AFG1L: variants seen among roughly 807,000 people sequenced by gnomAD.
AFG1L encodes the protein AFG1 like ATPase, also known as AFG1-like ATPase.
A neutral mutation model predicts 62.2 loss-of-function variants in AFG1L; 53 were observed. That is an observed-to-expected ratio of 0.85 (90% CI 0.68 to 1.07). The LOEUF is 1.07. Ranked by LOEUF, AFG1L falls within the 50% of genes least tolerant of loss-of-function variation. AFG1L has a pLI of 0.00. For synonymous variants in AFG1L, 228 were observed against 210.3 expected (o/e 1.08, Z -0.73); for missense variants, 555 against 590.5 (o/e 0.94, Z 0.62).
At chr6:108,521,336 T>C (rs1316148850) in intron 12 of AFG1L, 1 of 151,662 alleles carries the variant, frequency 6.6e-6, no homozygotes, top group Non-Finnish European at 1.5e-5. Flanking sequence ...AAATAAAAAA[T>C]AAAATAAAAA....
intron 1 of AFG1L, among the ~76,000 whole-genome samples, chr6:108,305,248 G>A (rs192755178): frequency 1.9e-4 from 29 of 152,236 alleles, no homozygotes; most frequent in Admixed American, 1.7e-3. Context: ...TCAGTGCTTT[G>A]AATTCCAGAA....
At chr6:108,389,889 G>A (rs1414295097) in intron 6 of AFG1L, among the ~76,000 whole-genome samples, 1 of 152,070 alleles carries the variant, frequency 6.6e-6, no homozygotes, top group Non-Finnish European at 1.5e-5. Context: ...TATCTTTGTG[G>A]CGTTCTCTGT....
chr6:108,340,054 A>G (rs1450904658), intron 2 of AFG1L, among the ~76,000 whole-genome samples: 1 of 150,090 alleles, frequency 6.7e-6, no homozygotes, highest in Admixed American at 6.7e-5. Context: ...GCCTCCCACT[A>G]CCCTTCCCAG....
At chr6:108,514,517 C>A (rs188922003) in intron 11 of AFG1L, among the ~76,000 whole-genome samples, 15 of 152,112 alleles carry the variant, frequency 9.9e-5, no homozygotes, top group African/African-American at 3.4e-4. Flanking sequence ...TGGAAAGGAA[C>A]AACCGGTACC....
chr6:108,308,003 T>C (rs894200413), intron 1 of AFG1L, among the ~76,000 whole-genome samples: 2 of 152,220 alleles, frequency 1.3e-5, no homozygotes, highest in Admixed American at 1.3e-4. Flanking sequence ...TGTTTCTTAA[T>C]GAGTTGTAGT....
intron 6 of AFG1L, among the ~76,000 whole-genome samples, chr6:108,377,445 A>G (rs1305856819): frequency 1.3e-5 from 2 of 152,208 alleles, no homozygotes; most frequent in East Asian, 1.9e-4. Flanking sequence ...TCTAGTGGTA[A>G]CACATTCCTT....
Position 108,519,684 on chromosome 6 carries a change from T to G in AFG1L, c.1204-13T>G, listed in dbSNP as rs766955981. 7.1e-7 allele frequency: 1 copy of G among 1,401,222 alleles called. No homozygotes were observed. Among genetic ancestry groups the G allele is most frequent in the East Asian group, 2.3e-5 (1 of 43,846 alleles). 86.8% of individuals were successfully genotyped at this position (1,401,222 alleles called of 1,614,324 possible). On this transcript the variant is annotated splice_polypyrimidine_tract_variant and intron_variant, in intron 11 of 12. Transcript: ENST00000368977. ...TAAAGAGTAACACATTTACCCATTT[T>G]CTTCTATTTCAGGTGCGTATAATTT...
At chr6:108,359,292 G>A (rs1041292693) in intron 5 of AFG1L, 2 of 152,162 alleles carry the variant, frequency 1.3e-5, no homozygotes, top group Non-Finnish European at 2.9e-5. Context: ...TAACTAGAAA[G>A]AAGGAAACAA....
In AFG1L at chr6:108,297,671, A is replaced by G. The variant is rs566368923; in HGVS notation, c.139+2453A>G. Among the ~76,000 whole-genome samples the G allele has an allele frequency of 4.6e-5, 7 of 151,822 alleles. No individual in the cohort carries two copies. In the Middle Eastern group the frequency reaches 0.01, roughly 221 times the overall value. On this transcript the variant is annotated intron_variant, in intron 1 of 12. Transcript: ENST00000368977. Reference sequence around the variant, plus strand: ...GGAGTTTGAGACCAGCCTGGGCAACATGGCAAAACCCCCTCTCTATAAAAA... The same window carrying G: ...GGAGTTTGAGACCAGCCTGGGCAACGTGGCAAAACCCCCTCTCTATAAAAA...
chr6:108,432,832 G>A (rs1354322405), intron 7 of AFG1L, among the ~76,000 whole-genome samples: 1 of 152,188 alleles, frequency 6.6e-6, no homozygotes, highest in Non-Finnish European at 1.5e-5. Flanking sequence ...CTGGATGTTG[G>A]CACTTTCTAG....
At position 108,525,939 on chromosome 6, in the gene AFG1L, C is replaced by A. The variant is rs1467321943; in HGVS notation, c.*3514C>A. ...TGACATTTGGGTTCTTGATCAGTTA[C>A]GGGAATCTGTCTTGCAGCAAGTCTG... On this transcript the variant is annotated 3_prime_UTR_variant, in exon 13 of 13. Transcript: ENST00000368977. 1 of 152,094 alleles carries A rather than the reference C, an allele frequency of 6.6e-6. No individual in the cohort carries two copies. The highest frequency in any genetic ancestry group is 1.5e-5 in the Non-Finnish European group (1 of 68,008). 9.4% of individuals were successfully genotyped at this position (152,094 alleles called of 1,614,324 possible). A position where few individuals can be genotyped will look rare whatever the true frequency, so the allele number is the denominator to read the frequency against.
intron 7 of AFG1L, among the ~76,000 whole-genome samples, chr6:108,415,256 T>G (rs1205365221): frequency 6.6e-6 from 1 of 152,128 alleles, no homozygotes; most frequent in African/African-American, 2.4e-5. Context: ...AAACCACTGC[T>G]CAACTAAATA....
intron 10 of AFG1L, among the ~76,000 whole-genome samples, chr6:108,481,526 A>G (rs1773321147): frequency 1.3e-5 from 2 of 152,170 alleles, no homozygotes; most frequent in African/African-American, 4.8e-5. Flanking sequence ...AACTGCTGGC[A>G]CCTTAGCAGG....
chr6:108,413,175 A>G (rs1379706914), intron 7 of AFG1L, among the ~76,000 whole-genome samples: 1 of 152,250 alleles, frequency 6.6e-6, no homozygotes, highest in African/African-American at 2.4e-5. Flanking sequence ...CAAGAAGGCC[A>G]TTACATAATG....
rs186122524 is a variant in AFG1L at position 108,471,512 on chromosome 6, G to A, written c.891-5353G>A. ...TTTTGACACTGTTGCCCAGGCTGGA[G>A]TGCAGTGGCATGATCTTGACTCACT... On this transcript the variant is annotated intron_variant, in intron 8 of 12. Coordinates refer to ENST00000368977, the MANE Select transcript of AFG1L (RefSeq NM_145315.5). Among the ~76,000 whole-genome samples the A allele has an allele frequency of 5.0e-3, 697 of 139,950 alleles. 2 individuals carry two copies. Among genetic ancestry groups the A allele is most frequent in the African/African-American group, 0.015 (573 of 37,886 alleles). The allele number at this position is 139,950 out of a possible 152,430, so 91.8% of individuals were successfully genotyped here.
chr6:108,473,524 G>T (rs976744959), intron 8 of AFG1L, among the ~76,000 whole-genome samples: 1 of 152,066 alleles, frequency 6.6e-6, no homozygotes, highest in Non-Finnish European at 1.5e-5. Context: ...CTCTCTTTTC[G>T]CTATGTTCCT....
intron 1 of AFG1L, among the ~76,000 whole-genome samples, chr6:108,304,974 T>C (rs1253679782): frequency 6.6e-6 from 1 of 152,252 alleles, no homozygotes; most frequent in East Asian, 1.9e-4. Context: ...ATCTATAGAA[T>C]GCGATGCATT....
At chr6:108,462,567 A>G (rs1163863282) in intron 8 of AFG1L, among the ~76,000 whole-genome samples, 1 of 152,240 alleles carries the variant, frequency 6.6e-6, no homozygotes, top group Non-Finnish European at 1.5e-5. Flanking sequence ...GTGGTACAGC[A>G]ACAAAAGAAG....
chr6:108,330,187 T>A (rs113088204), intron 2 of AFG1L, among the ~76,000 whole-genome samples: 271 of 146,410 alleles, frequency 1.9e-3, no homozygotes, highest in Non-Finnish European at 1.6e-3. Flanking sequence ...TTTTTATTTT[T>A]TTTTTTTTTT....
Sources: gnomAD v4.1 joint callset for allele counts (sites outside exome capture counted in the v4.1 genomes callset) on GRCh38, gnomAD v4.1.1 for gene constraint, MANE v1.5 for transcripts, NCBI Gene and HGNC (gene_info 2026-07-23, HGNC 2026-07-21) for gene names.